The following ZNF503 variants were observed in gnomAD, a reference collection of about 807,000 sequenced individuals.
ZNF503 encodes the protein NocA-like zinc finger 2.
Under a neutral mutation model 34.4 loss-of-function variants are expected in ZNF503, and 15 were observed. The observed-to-expected ratio is 0.44, with a 90% CI of 0.29 to 0.67. ZNF503 has a LOEUF of 0.67. ZNF503 is among the 30% of genes least tolerant of loss of function. The pLI is 0.13. For missense variants in ZNF503, 1,007 were observed against 926.8 expected, an observed-to-expected ratio of 1.09 and a Z score of -1.12; for synonymous variants, 580 against 456.8, an observed-to-expected ratio of 1.27 and a Z score of -3.44.
the ZNF503 span, chr10:75,350,353 T>A: frequency 2.0e-5 from 3 of 152,186 alleles, no homozygotes; most frequent in African/African-American, 7.2e-5. Context: ...TGTTGTTAGT[T>A]TCACCAGCAA....
chr10:75,374,373 T>C, the ZNF503 span, among the ~76,000 whole-genome samples: 3 of 152,178 alleles, frequency 2.0e-5, no homozygotes, highest in Non-Finnish European at 4.4e-5. Flanking sequence ...GCTTCCTGTC[T>C]TTCTGACCCT....
chr10:75,380,425 C>T, the ZNF503 span, among the ~76,000 whole-genome samples: 3 of 152,092 alleles, frequency 2.0e-5, no homozygotes, highest in Non-Finnish European at 4.4e-5. Flanking sequence ...ACAATGGGGC[C>T]CTGGAGCTCA....
chr10:75,327,613 C>T, the ZNF503 span, among the ~76,000 whole-genome samples: 636 of 152,062 alleles, frequency 4.2e-3, 7 homozygotes, highest in African/African-American at 0.015. Flanking sequence ...TTGGATATAC[C>T]CAGTAGTGGA....
chr10:75,371,762 G>C, the ZNF503 span, among the ~76,000 whole-genome samples: 18 of 152,150 alleles, frequency 1.2e-4, no homozygotes, highest in Admixed American at 3.3e-4. Flanking sequence ...GGGGTGGGGT[G>C]GTCTCTGAGC....
the ZNF503 span, among the ~76,000 whole-genome samples, chr10:75,309,024 G>T: frequency 6.6e-6 from 1 of 151,980 alleles, no homozygotes; most frequent in African/African-American, 2.4e-5. Context: ...TTGCATTTTT[G>T]GTAGAGATGC....
chr10:75,359,271 G>A, the ZNF503 span, among the ~76,000 whole-genome samples: 49 of 152,338 alleles, frequency 3.2e-4, no homozygotes, highest in African/African-American at 1.1e-3. Flanking sequence ...AAAAGTTTTG[G>A]GCCCAGCCCC....
At chr10:75,392,103 C>T in the ZNF503 span, among the ~76,000 whole-genome samples, 4 of 152,202 alleles carry the variant, frequency 2.6e-5, no homozygotes, top group Non-Finnish European at 4.4e-5. Flanking sequence ...CAGGGACCAG[C>T]ACAGTGTTAC....
At position 75,400,267 on chromosome 10, in the gene ZNF503, C is replaced by G; in HGVS notation, c.423G>C (p.Gly141=). The G allele has an allele frequency of 6.2e-7, 1 of 1,613,204 alleles. No homozygotes were observed. Among genetic ancestry groups the G allele is most frequent in the Non-Finnish European group, 8.5e-7 (1 of 1,179,798 alleles). ...SSKLSSVASN[G]GGAGGAGGGA... is the part of the protein sequence containing the mutation. Reference sequence around the variant, plus strand: ...CGCCGCCGGCACCGCCCGCGCCGCCCCCGTTGGAGGCAACCGAGGAGAGTT... The same window carrying G: ...CGCCGCCGGCACCGCCCGCGCCGCCGCCGTTGGAGGCAACCGAGGAGAGTT... Residue 141 remains glycine, a synonymous_variant, in exon 2 of 2, where the codon GGG becomes GGC. Transcript: ENST00000372524.
chr10:75,401,461 G>A lies in ZNF503; in HGVS notation c.-42C>T. On this transcript the variant is annotated 5_prime_UTR_variant, in exon 1 of 2. Coordinates refer to ENST00000372524, the MANE Select transcript of ZNF503 (RefSeq NM_032772.6). ...TGGGAGCAGCGGGGGGGAGGGCTCC[G>A]GGAGGCGCGGGGCGGGCTCGGGGCT... 6.6e-7 allele frequency: 1 copy of A among 1,506,742 alleles called. No individual in the cohort carries two copies. 93.3% of individuals were successfully genotyped at this position (1,506,742 alleles called of 1,614,324 possible). A position where few individuals can be genotyped will look rare whatever the true frequency, so the allele number is the denominator to read the frequency against.
the ZNF503 span, among the ~76,000 whole-genome samples, chr10:75,284,430 G>A: frequency 6.6e-6 from 1 of 152,042 alleles, no homozygotes; most frequent in South Asian, 2.1e-4. Flanking sequence ...GTACTGGGTT[G>A]GGGGAAGGGG....
chr10:75,369,840 G>A, the ZNF503 span, among the ~76,000 whole-genome samples: 1 of 152,058 alleles, frequency 6.6e-6, no homozygotes, highest in African/African-American at 2.4e-5. Flanking sequence ...GCCGAGGTGG[G>A]CAGATCACTT....
the ZNF503 span, among the ~76,000 whole-genome samples, chr10:75,288,094 G>T: frequency 6.6e-6 from 1 of 152,242 alleles, no homozygotes; most frequent in Non-Finnish European, 1.5e-5. Flanking sequence ...GCCACACAGG[G>T]CACTGAGTTC....
chr10:75,281,590 C>A, the ZNF503 span, among the ~76,000 whole-genome samples: 1 of 152,126 alleles, frequency 6.6e-6, no homozygotes, highest in African/African-American at 2.4e-5. Context: ...AGGGAACAAC[C>A]CCCTTCCCAA....
At chr10:75,375,357 G>C in the ZNF503 span, among the ~76,000 whole-genome samples, 1 of 151,978 alleles carries the variant, frequency 6.6e-6, no homozygotes, top group Non-Finnish European at 1.5e-5. Flanking sequence ...TCCTGACCTC[G>C]TGATCTGCCT....
the ZNF503 span, among the ~76,000 whole-genome samples, chr10:75,334,023 G>A: frequency 8.0e-6 from 1 of 124,652 alleles, no homozygotes; most frequent in Non-Finnish European, 1.7e-5. Flanking sequence ...ATGGGATGGC[G>A]GCCGGGCGGA....
chr10:75,377,748 C>A, the ZNF503 span, among the ~76,000 whole-genome samples: 1 of 152,248 alleles, frequency 6.6e-6, no homozygotes, highest in East Asian at 1.9e-4. Context: ...TTGTGCAATG[C>A]GAGGTCTGCA....
At chr10:75,290,729 G>T in the ZNF503 span, among the ~76,000 whole-genome samples, 2 of 152,208 alleles carry the variant, frequency 1.3e-5, no homozygotes, top group East Asian at 1.9e-4. Flanking sequence ...AAGATGAGAG[G>T]AGTTGTCTCA....
chr10:75,355,101 C>T, the ZNF503 span, among the ~76,000 whole-genome samples: 3 of 152,106 alleles, frequency 2.0e-5, no homozygotes, highest in Admixed American at 1.3e-4. Flanking sequence ...CGCCTTGGCC[C>T]CCCAAAGTGC....
the ZNF503 span, among the ~76,000 whole-genome samples, chr10:75,293,116 C>T: frequency 1.8e-3 from 277 of 152,290 alleles, 5 homozygotes; most frequent in South Asian, 0.021. Context: ...GGTCTTCTTC[C>T]CCTTTAGCTG....
Sources: gnomAD v4.1 joint callset for allele counts (sites outside exome capture counted in the v4.1 genomes callset) on GRCh38, gnomAD v4.1.1 for gene constraint, MANE v1.5 for transcripts, NCBI Gene and HGNC (gene_info 2026-07-23, HGNC 2026-07-21) for gene names.